MAGI2: variants seen among roughly 807,000 people sequenced by gnomAD.
The protein encoded by MAGI2 is membrane associated guanylate kinase, WW and PDZ domain containing 2, also known as membrane-associated guanylate kinase, WW and PDZ domain-containing protein 2.
In MAGI2, 35 loss-of-function variants were observed where a neutral mutation model predicts 133.3. The ratio of observed to expected loss-of-function variants is 0.26; its 90% confidence interval spans 0.20 to 0.35. The LOEUF (loss-of-function observed/expected upper bound fraction) is 0.35. Ranked by LOEUF, MAGI2 falls within the 10% of genes least tolerant of loss-of-function variation. The pLI is 1.00. For synonymous variants in MAGI2, 729 were observed against 710.6 expected (o/e 1.03, Z -0.41); for missense variants, 1,636 against 1,863.4 (o/e 0.88, Z 2.25).
intron 16 of MAGI2, among the ~76,000 whole-genome samples, chr7:78,141,923 C>G (rs958013744): frequency 6.6e-6 from 1 of 152,106 alleles, no homozygotes; most frequent in Non-Finnish European, 1.5e-5. Context: ...CATATATTAC[C>G]GTTTATGCTT....
chr7:78,109,541 A>G (rs2150461241), intron 20 of MAGI2, among the ~76,000 whole-genome samples: 1 of 152,098 alleles, frequency 6.6e-6, no homozygotes, highest in African/African-American at 2.4e-5. Context: ...CTGAGGCAGG[A>G]GAATCAGTTG....
chr7:78,033,297 C>G (rs1809789642), intron 21 of MAGI2, among the ~76,000 whole-genome samples: 1 of 151,882 alleles, frequency 6.6e-6, no homozygotes, highest in African/African-American at 2.4e-5. Context: ...GGCAACATAG[C>G]AAGACCCTAT....
At chr7:78,754,368 C>T (rs535709634) in intron 2 of MAGI2, among the ~76,000 whole-genome samples, 169 of 103,290 alleles carry the variant, frequency 1.6e-3, no homozygotes, top group African/African-American at 5.8e-3. Flanking sequence ...CAGACCCTGT[C>T]TCAAATAAAT....
chr7:78,520,320 G>C (rs1358296660), intron 4 of MAGI2, among the ~76,000 whole-genome samples: 1 of 152,110 alleles, frequency 6.6e-6, no homozygotes, highest in Non-Finnish European at 1.5e-5. Context: ...GTAAGCTTAT[G>C]AAGTTTTTCG....
chr7:79,322,448 G>T (rs1056929334), intron 1 of MAGI2, among the ~76,000 whole-genome samples: 6 of 151,990 alleles, frequency 3.9e-5, no homozygotes, highest in African/African-American at 1.5e-4. Context: ...TGTTGCCACT[G>T]TGTGATCTTG....
intron 9 of MAGI2, among the ~76,000 whole-genome samples, chr7:78,305,285 C>T (rs12668317): frequency 2.6e-5 from 4 of 151,956 alleles, no homozygotes; most frequent in African/African-American, 7.3e-5. Flanking sequence ...AATGAAACCT[C>T]GCTTGGTTGG....
At chr7:78,731,314 C>T (rs1276432590) in intron 2 of MAGI2, among the ~76,000 whole-genome samples, 2 of 152,120 alleles carry the variant, frequency 1.3e-5, no homozygotes, top group Non-Finnish European at 2.9e-5. Flanking sequence ...ATCCTACACA[C>T]CATCTGTGTC....
At chr7:78,804,768 A>AAAAAC (rs1788415383) in intron 2 of MAGI2, among the ~76,000 whole-genome samples, 6 of 114,022 alleles carry the variant, frequency 5.3e-5, no homozygotes, top group African/African-American at 1.8e-4. Context: ...AAAAAAAAAA[A>AAAAAC]AAAACCTTTG....
chr7:78,245,977 C>T (rs1445840026), intron 10 of MAGI2, among the ~76,000 whole-genome samples: 2 of 152,178 alleles, frequency 1.3e-5, no homozygotes, highest in African/African-American at 4.8e-5. Context: ...ACCATGGAGC[C>T]ACCCCTGTTC....
rs1320390413 is a variant in MAGI2 at position 78,573,365 on chromosome 7, A to AAAAT, written c.539-51721_539-51720insATTT. Among the ~76,000 whole-genome samples the AAAAT allele has an allele frequency of 5.5e-4, 16 of 29,034 alleles. 2 individuals are homozygous for AAAAT. Among genetic ancestry groups the AAAAT allele is most frequent in the African/African-American group, 1.8e-3 (10 of 5,412 alleles). 19.0% of individuals were successfully genotyped at this position (29,034 alleles called of 152,430 possible). ...ATATATAGAGAGAGAGAATCCTGGA[A>AAAAT]ATATATATATATATATATATATATA... On this transcript the variant is annotated intron_variant, in intron 3 of 21. Coordinates refer to ENST00000354212, the MANE Select transcript of MAGI2 (RefSeq NM_012301.4).
At chr7:79,388,293 C>T (rs911492366) in intron 1 of MAGI2, among the ~76,000 whole-genome samples, 1 of 151,878 alleles carries the variant, frequency 6.6e-6, no homozygotes, top group African/African-American at 2.4e-5. Flanking sequence ...GAAATGTATC[C>T]TAAGCTTACT....
chr7:78,857,979 G>T (rs1315533531), intron 2 of MAGI2, among the ~76,000 whole-genome samples: 3 of 152,108 alleles, frequency 2.0e-5, no homozygotes, highest in African/African-American at 7.2e-5. Flanking sequence ...GTTTAGTCTT[G>T]GGAGGGTGTA....
At chr7:79,095,797 AG>A (rs1817464126) in intron 1 of MAGI2, among the ~76,000 whole-genome samples, 1 of 152,236 alleles carries the variant, frequency 6.6e-6, no homozygotes, top group African/African-American at 2.4e-5. Context: ...ATAATAAAAA[AG>A]TTTGAAATAT....
intron 1 of MAGI2, among the ~76,000 whole-genome samples, chr7:79,010,280 A>G (rs1807932492): frequency 6.6e-6 from 1 of 152,042 alleles, no homozygotes; most frequent in South Asian, 2.1e-4. Flanking sequence ...GTATGTATGT[A>G]TATATAATGT....
intron 6 of MAGI2, among the ~76,000 whole-genome samples, chr7:78,370,478 A>G (rs74302398): frequency 0.054 from 8,178 of 151,986 alleles, 323 homozygotes; most frequent in South Asian, 0.095. Flanking sequence ...TATTGGACCT[A>G]CTAAAATGTA....
At position 78,627,192 on chromosome 7, in the gene MAGI2, T is replaced by C. The variant is rs1294031755; in HGVS notation, c.466A>G (p.Ile156Val). Reference sequence around the variant, plus strand: ...ATAAAATCTTCAACAGTGATGAAAATATAATCCACTCCAGGGACCTCACCC... The same window carrying C: ...ATAAAATCTTCAACAGTGATGAAAACATAATCCACTCCAGGGACCTCACCC... ...KEGEVPGVDY[I>V]FITVEDFMEL... is the part of the protein sequence containing the mutation. Residue 156 changes from isoleucine to valine, a missense_variant, in exon 3 of 22, where the codon ATT (isoleucine) becomes GTT (valine). Ile to Val is a conservative substitution (Grantham distance 29, BLOSUM62 3). This residue lies in a region of MAGI2 where 148 missense variants were observed against 239.0 expected (regional missense o/e 0.62). Coordinates refer to ENST00000354212, the MANE Select transcript of MAGI2 (RefSeq NM_012301.4). 6.3e-7 allele frequency: 1 copy of C among 1,592,178 alleles called. No homozygotes were observed. Among genetic ancestry groups the C allele is most frequent in the Non-Finnish European group, 8.6e-7 (1 of 1,169,352 alleles).
intron 1 of MAGI2, among the ~76,000 whole-genome samples, chr7:79,429,524 C>G (rs567300204): frequency 6.6e-6 from 1 of 152,038 alleles, no homozygotes; most frequent in Non-Finnish European, 1.5e-5. Context: ...AGGCTGGTCT[C>G]GAACTCCTGG....
intron 3 of MAGI2, among the ~76,000 whole-genome samples, chr7:78,530,033 A>G (rs1797328797): frequency 6.6e-6 from 1 of 152,132 alleles, no homozygotes; most frequent in Non-Finnish European, 1.5e-5. Context: ...CATATATTTA[A>G]TGGCCATATG....
chr7:79,442,449 A>AGT (rs1412523628), intron 1 of MAGI2, among the ~76,000 whole-genome samples: 2 of 106,870 alleles, frequency 1.9e-5, no homozygotes, highest in Non-Finnish European at 3.7e-5. Flanking sequence ...TAGTGTTTGA[A>AGT]GAGTGTGTGT....
Sources: gnomAD v4.1 joint callset for allele counts (sites outside exome capture counted in the v4.1 genomes callset) on GRCh38, gnomAD v4.1.1 for gene constraint, gnomAD v4.1.1 regional missense constraint, MANE v1.5 for transcripts, NCBI Gene and HGNC (gene_info 2026-07-23, HGNC 2026-07-21) for gene names.